The following NRXN1 variants were observed in gnomAD, a reference collection of about 807,000 sequenced individuals.
NRXN1 encodes the protein neurexin-1.
In NRXN1, 39 loss-of-function variants were observed where a neutral mutation model predicts 150.9. That is an observed-to-expected ratio of 0.26 (90% CI 0.20 to 0.34). NRXN1 has a LOEUF of 0.34. Among genes scored for constraint, NRXN1 ranks in the 10% least tolerant of loss-of-function variants. NRXN1 has a pLI of 1.00. For synonymous variants in NRXN1, 924 were observed against 757.0 expected (o/e 1.22, Z -3.62); for missense variants, 1,815 against 1,949.9 (o/e 0.93, Z 1.30).
intron 18 of NRXN1, among the ~76,000 whole-genome samples, chr2:50,195,257 C>G (rs946881279): frequency 1.3e-5 from 2 of 152,112 alleles, no homozygotes; most frequent in Non-Finnish European, 2.9e-5. Context: ...CCAAGCGAAC[C>G]TCATCAGCGA....
intron 18 of NRXN1, among the ~76,000 whole-genome samples, chr2:50,106,945 T>G (rs1046090795): frequency 2.6e-5 from 4 of 151,980 alleles, no homozygotes; most frequent in Admixed American, 2.6e-4. Flanking sequence ...AGTTACTCTG[T>G]TGACATTGGC....
intron 17 of NRXN1, among the ~76,000 whole-genome samples, chr2:50,324,242 T>A (rs2076236785): frequency 1.3e-5 from 2 of 151,762 alleles, no homozygotes. Flanking sequence ...GCATTAGGAG[T>A]GAAACACACA....
chr2:50,504,257 C>T (rs1450662194), intron 13 of NRXN1, among the ~76,000 whole-genome samples: 2 of 151,380 alleles, frequency 1.3e-5, no homozygotes, highest in Non-Finnish European at 2.9e-5. Context: ...ATATGGATTA[C>T]AGATTAGAAA....
Position 49,930,044 on chromosome 2 carries a change from C to T in NRXN1, c.4217-7793G>A, listed in dbSNP as rs115247127. Among the ~76,000 whole-genome samples the T allele has an allele frequency of 2.0e-3, 300 of 152,218 alleles. 4 individuals are homozygous for T. Among genetic ancestry groups the T allele is most frequent in the African/African-American group, 6.9e-3 (287 of 41,544 alleles). ...CTTATGATAAAAATGAGTAGAGAGT[C>T]GTCAAGTGAAAGTGGGTAGAGAAGT... On this transcript the variant is annotated intron_variant, in intron 22 of 22. Transcript: ENST00000401669.
Position 50,537,433 on chromosome 2 carries a change from G to A in NRXN1, c.2143+820C>T, listed in dbSNP as rs561482064. 2.0e-5 allele frequency among the ~76,000 whole-genome samples: 3 copies of A among 152,254 alleles called. No individual in the cohort carries two copies. In the South Asian group the frequency reaches 6.2e-4, roughly 32 times the overall value. On this transcript the variant is annotated intron_variant, in intron 10 of 22. Transcript: ENST00000401669. ...GAATAAACTTAGAACTATTTGTTCT[G>A]CTATTTATTCCTTTAGCCTGTTCTG... is the stretch of plus-strand genomic sequence containing the variant.
At chr2:50,617,268 C>T (rs949081093) in intron 8 of NRXN1, among the ~76,000 whole-genome samples, 1 of 151,954 alleles carries the variant, frequency 6.6e-6, no homozygotes, top group African/African-American at 2.4e-5. Flanking sequence ...AAACCCGTCA[C>T]TACTATAAAT....
intron 2 of NRXN1, among the ~76,000 whole-genome samples, chr2:50,999,751 T>A (rs1333305916): frequency 6.6e-6 from 1 of 151,998 alleles, no homozygotes; most frequent in East Asian, 1.9e-4. Flanking sequence ...ATTTCCACTC[T>A]ATGGTAAAAC....
intron 2 of NRXN1, among the ~76,000 whole-genome samples, chr2:50,994,286 C>A (rs978424872): frequency 1.3e-5 from 2 of 151,900 alleles, no homozygotes; most frequent in African/African-American, 2.4e-5. Flanking sequence ...AATTTAATAA[C>A]CTCCATCAAG....
intron 17 of NRXN1, among the ~76,000 whole-genome samples, chr2:50,407,621 G>A (rs1439881428): frequency 6.6e-6 from 1 of 152,016 alleles, no homozygotes; most frequent in African/African-American, 2.4e-5. Context: ...TGGATTAATG[G>A]GTCATCATGG....
At chr2:50,840,614 T>C (rs1251805472) in intron 5 of NRXN1, among the ~76,000 whole-genome samples, 1 of 152,118 alleles carries the variant, frequency 6.6e-6, no homozygotes, top group Non-Finnish European at 1.5e-5. Flanking sequence ...TTACCATGCC[T>C]TGTGCAACTT....
At chr2:50,322,203 T>C (rs947828215) in intron 17 of NRXN1, among the ~76,000 whole-genome samples, 6 of 152,168 alleles carry the variant, frequency 3.9e-5, no homozygotes, top group African/African-American at 1.4e-4. Flanking sequence ...AATTCCTTTT[T>C]ATCACCTTAG....
chr2:50,103,865 C>CCCAA (rs1553613343), intron 18 of NRXN1, among the ~76,000 whole-genome samples: 5 of 150,268 alleles, frequency 3.3e-5, no homozygotes, highest in Non-Finnish European at 7.4e-5. Flanking sequence ...CAGCCATTGA[C>CCCAA]CAAACAAACA....
chr2:50,436,910 T>A (rs2085496544), intron 17 of NRXN1, among the ~76,000 whole-genome samples: 1 of 152,178 alleles, frequency 6.6e-6, no homozygotes, highest in South Asian at 2.1e-4. Flanking sequence ...TTATTCCATC[T>A]CCCAAAGTAA....
intron 2 of NRXN1, among the ~76,000 whole-genome samples, chr2:51,027,192 C>G (rs1670630905): frequency 6.6e-6 from 1 of 152,162 alleles, no homozygotes; most frequent in Non-Finnish European, 1.5e-5. Context: ...ATATAGGGCC[C>G]AACCTGCCAA....
Position 50,053,444 on chromosome 2 carries a change from C to T in NRXN1, c.3955G>A (p.Ala1319Thr). Reference protein sequence around the residue: ...NMAAENDANIAIVGNVRLVGE... With the variant: ...NMAAENDANITIVGNVRLVGE... The stretch of plus-strand genomic sequence containing the variant: ...ACCAGTCTCACATTTCCCACTATGG[C>T]GATGTTGGCATCGTTTTCGGCTGCC... Residue 1319 changes from alanine to threonine, a missense_variant, in exon 21 of 23, where the codon GCC becomes ACC. Ala to Thr is a moderately conservative substitution (Grantham distance 58, BLOSUM62 0). This residue lies in a region of NRXN1 where 265 missense variants were observed against 307.1 expected (regional missense o/e 0.86). Coordinates refer to ENST00000401669, the MANE Select transcript of NRXN1 (RefSeq NM_001330078.2). 6.2e-7 allele frequency: 1 copy of T among 1,613,984 alleles called. No homozygotes were observed. Among genetic ancestry groups the T allele is most frequent in the African/African-American group, 1.3e-5 (1 of 75,028 alleles).
chr2:50,253,002 A>G (rs529193245), intron 17 of NRXN1, among the ~76,000 whole-genome samples: 4 of 152,328 alleles, frequency 2.6e-5, no homozygotes, highest in Admixed American at 1.3e-4. Flanking sequence ...TGCTTTGGGC[A>G]GTATGGCCAT....
chr2:50,796,497 T>A (rs1429145294), intron 5 of NRXN1, among the ~76,000 whole-genome samples: 1 of 152,088 alleles, frequency 6.6e-6, no homozygotes, highest in African/African-American at 2.4e-5. Context: ...AACGGCCCCA[T>A]CTAAGATCTG....
At chr2:50,901,535 C>T (rs1465938497) in intron 5 of NRXN1, among the ~76,000 whole-genome samples, 1 of 151,756 alleles carries the variant, frequency 6.6e-6, no homozygotes, top group African/African-American at 2.4e-5. Context: ...AGACTCCGTC[C>T]CCGCAAAAAA....
At chr2:50,446,572 T>C (rs2086431187) in intron 17 of NRXN1, among the ~76,000 whole-genome samples, 2 of 129,320 alleles carry the variant, frequency 1.5e-5, no homozygotes, top group South Asian at 6.1e-4. Context: ...CCTTCCTTCC[T>C]TCTTTCCTCC....
Sources: allele counts gnomAD v4.1 joint callset (sites outside exome capture counted in the v4.1 genomes callset), GRCh38; gene constraint gnomAD v4.1.1; regional missense constraint gnomAD v4.1.1; transcripts MANE v1.5; gene names NCBI Gene and HGNC (gene_info 2026-07-23, HGNC 2026-07-21).